Variants in MIPOL1 observed in about 807,000 individuals in gnomAD.
The protein encoded by MIPOL1 is mirror-image polydactyly 1.
In MIPOL1, 57 loss-of-function variants were observed where a neutral mutation model predicts 60.9. That is an observed-to-expected ratio of 0.94 (90% confidence interval 0.76 to 1.17). The LOEUF (loss-of-function observed/expected upper bound fraction) is 1.17. Among genes scored for constraint, MIPOL1 ranks in the 50% most tolerant of loss-of-function variants. The pLI is 0.00. For missense variants in MIPOL1, 551 were observed against 511.6 expected (o/e 1.08, Z -0.74); for synonymous variants, 179 against 168.8 (o/e 1.06, Z -0.47).
intron 10 of MIPOL1, among the ~76,000 whole-genome samples, chr14:37,379,963 G>A (rs2092882324): frequency 6.6e-6 from 1 of 151,962 alleles, no homozygotes; most frequent in African/African-American, 2.4e-5. Context: ...GTAACCCAAA[G>A]CCACCTAATG....
At chr14:37,288,619 C>T (rs1215611070) in intron 7 of MIPOL1, among the ~76,000 whole-genome samples, 3 of 151,868 alleles carry the variant, frequency 2.0e-5, no homozygotes, top group South Asian at 2.1e-4. Context: ...TTGTGGGCAA[C>T]GTAGTGGGAT....
intron 5 of MIPOL1, 58 bp from the exon 6 acceptor site, chr14:37,270,362 A>C: frequency 1.2e-6 from 1 of 866,498 alleles, no homozygotes; most frequent in East Asian, 3.0e-5. Context: ...GAAATTAATT[A>C]TATTTTTGCA....
Position 37,308,368 on chromosome 14 carries a change from A to G in MIPOL1, c.677A>G (p.Asn226Ser), listed in dbSNP as rs371476003. The G allele has an allele frequency of 6.4e-7, 1 of 1,566,018 alleles. No individual in the cohort carries two copies. Among genetic ancestry groups the G allele is most frequent in the East Asian group, 2.3e-5 (1 of 43,698 alleles). The change falls in exon 9 of 13, where the codon AAC becomes AGC. Residue 226 changes from asparagine to serine, a missense_variant. Transcript: ENST00000684589. ...TGGTAGACATTACAGGAATTACTGA[A>G]CAGAATAAACAATGCAGACACAGGG... ...ENDMTLQELL[N>S]RINNADTGIA...
chr14:37,448,617 C>A (rs1302450521), intron 11 of MIPOL1, among the ~76,000 whole-genome samples: 2 of 152,090 alleles, frequency 1.3e-5, no homozygotes, highest in Non-Finnish European at 2.9e-5. Context: ...TCACTGTATT[C>A]CATAGCATAA....
chr14:37,339,901 G>A (rs2090444857), intron 9 of MIPOL1, among the ~76,000 whole-genome samples: 1 of 152,096 alleles, frequency 6.6e-6, no homozygotes, highest in Non-Finnish European at 1.5e-5. Context: ...ATCTTAATTA[G>A]GGTGGTAGTA....
At chr14:37,482,468 T>G (rs941044378) in intron 11 of MIPOL1, among the ~76,000 whole-genome samples, 23 of 152,180 alleles carry the variant, frequency 1.5e-4, no homozygotes, top group African/African-American at 4.6e-4. Context: ...AAAAGAGGTT[T>G]AATTGACTCA....
intron 11 of MIPOL1, among the ~76,000 whole-genome samples, chr14:37,475,072 C>T (rs926267897): frequency 2.6e-5 from 4 of 151,894 alleles, no homozygotes; most frequent in Non-Finnish European, 5.9e-5. Flanking sequence ...TCAAGCGATA[C>T]GCCTGCCTCA....
intron 1 of MIPOL1, chr14:37,212,476 G>T (rs1316417232): frequency 6.6e-6 from 1 of 152,278 alleles, no homozygotes; most frequent in African/African-American, 2.4e-5. Context: ...TGGCTACGGG[G>T]TAAGGCGCCT....
At chr14:37,540,494 G>A (rs2095525461) in intron 12 of MIPOL1, among the ~76,000 whole-genome samples, 1 of 152,112 alleles carries the variant, frequency 6.6e-6, no homozygotes, top group South Asian at 2.1e-4. Flanking sequence ...TCTTTCGGTT[G>A]TGGCTAAAAC....
chr14:37,352,323 T>C (rs2091466319), intron 9 of MIPOL1, among the ~76,000 whole-genome samples: 1 of 16,706 alleles, frequency 6.0e-5, no homozygotes, highest in Non-Finnish European at 1.3e-4. Context: ...TAGTATAGTT[T>C]GAAGTCAGGT....
At chr14:37,226,435 G>A (rs1209313271) in intron 1 of MIPOL1, among the ~76,000 whole-genome samples, 1 of 152,212 alleles carries the variant, frequency 6.6e-6, no homozygotes, top group Admixed American at 6.5e-5. Context: ...CGTCTCACAA[G>A]GCAGCAGACA....
chr14:37,226,445 A>G (rs144057296), intron 1 of MIPOL1, among the ~76,000 whole-genome samples: 1,837 of 152,340 alleles, frequency 0.012, 80 homozygotes, highest in Admixed American at 0.084. Flanking sequence ...GGCAGCAGAC[A>G]AGAGAAGACA....
chr14:37,267,059 T>A lies in MIPOL1; in HGVS notation c.141T>A (p.Asn47Lys), dbSNP rs1419333943. 6.2e-7 allele frequency: 1 copy of A among 1,613,950 alleles called. No homozygotes were observed. Among genetic ancestry groups the A allele is most frequent in the South Asian group, 1.1e-5 (1 of 91,088 alleles). The change falls in exon 4 of 13, where the codon AAT becomes AAA. Residue 47 changes from asparagine (N) to lysine (K), a missense_variant. Transcript: ENST00000684589. ...ATCGGAAATCCACTGAATTAGTTAA[T>A]GAAATAACATGTGAGAACACAGAAT... ...SMHRKSTELV[N>K]EITCENTEWP...
chr14:37,347,364 T>A (rs960465968), intron 9 of MIPOL1, among the ~76,000 whole-genome samples: 1 of 151,966 alleles, frequency 6.6e-6, no homozygotes, highest in Admixed American at 6.6e-5. Flanking sequence ...AATTAAAAAA[T>A]ATGTGAATAA....
Position 37,415,930 on chromosome 14 carries a change from A to G in MIPOL1, c.937-6925A>G, listed in dbSNP as rs530171510. Among the ~76,000 whole-genome samples the G allele has an allele frequency of 3.9e-5, 6 of 152,288 alleles. No homozygotes were observed. In the South Asian group the frequency reaches 1.0e-3, roughly 26 times the overall value. Reference sequence around the variant, plus strand: ...TGTGTCTATGTATAACTGTAGTACCATATTGTTAGGACTTGAAAGAAGACC... The same window carrying G: ...TGTGTCTATGTATAACTGTAGTACCGTATTGTTAGGACTTGAAAGAAGACC... On this transcript the variant is annotated intron_variant, in intron 10 of 12. Coordinates refer to ENST00000684589, the MANE Select transcript of MIPOL1 (RefSeq NM_001388067.1).
chr14:37,394,194 C>T (rs1272801939), intron 10 of MIPOL1, among the ~76,000 whole-genome samples: 3 of 149,930 alleles, frequency 2.0e-5, no homozygotes, highest in Non-Finnish European at 4.4e-5. Flanking sequence ...TCACAAAATT[C>T]AAGATTTTGT....
chr14:37,265,151 T>C (rs1218881643), intron 3 of MIPOL1: 5 of 152,196 alleles, frequency 3.3e-5, no homozygotes, highest in African/African-American at 1.2e-4. Context: ...CTATTCTTCC[T>C]ATTTTTATAG....
At chr14:37,261,904 A>G (rs977810207) in intron 3 of MIPOL1, among the ~76,000 whole-genome samples, 3 of 152,056 alleles carry the variant, frequency 2.0e-5, no homozygotes, top group African/African-American at 7.2e-5. Flanking sequence ...CCATGCACTG[A>G]CTGTGGTTCT....
chr14:37,539,697 A>C (rs920397936), intron 12 of MIPOL1, among the ~76,000 whole-genome samples: 6 of 152,198 alleles, frequency 3.9e-5, no homozygotes, highest in African/African-American at 1.4e-4. Flanking sequence ...CACCTCATAA[A>C]GGAAATCAAG....
Sources: gnomAD v4.1 joint callset for allele counts (sites outside exome capture counted in the v4.1 genomes callset) on GRCh38, gnomAD v4.1.1 for gene constraint, MANE v1.5 for transcripts, NCBI Gene and HGNC (gene_info 2026-07-23, HGNC 2026-07-21) for gene names.